CFAP46: variants seen among roughly 807,000 people sequenced by gnomAD.
The protein encoded by CFAP46 is cilia and flagella associated protein 46.
A neutral mutation model predicts 325.7 loss-of-function variants in CFAP46; 245 were observed. The observed-to-expected ratio is 0.75, with a 90% CI of 0.68 to 0.84. The LOEUF (loss-of-function observed/expected upper bound fraction) is 0.84, where lower values mean the gene tolerates loss of function less well. CFAP46 is among the 40% of genes least tolerant of loss of function. The probability of loss-of-function intolerance (pLI) is 0.00; values close to 1 mark genes in which losing one functional copy is unlikely to be tolerated. For synonymous variants in CFAP46, 1,523 were observed against 1,495.9 expected, an observed-to-expected ratio of 1.02 and a Z score of -0.42; for missense variants, 3,346 against 3,543.0, an observed-to-expected ratio of 0.94 and a Z score of 1.41.
chr10:132,872,785 G>C lies in CFAP46; in HGVS notation c.4402C>G (p.Leu1468Val). The C allele has an allele frequency of 6.4e-7, 1 of 1,551,106 alleles. No homozygotes were observed. Among genetic ancestry groups the C allele is most frequent in the Non-Finnish European group, 8.7e-7 (1 of 1,147,106 alleles). Residue 1468 changes from leucine (L) to valine (V), a missense_variant, in exon 32 of 58, where the codon CTG (leucine) becomes GTG (valine). Physicochemically the swap from Leu to Val is conservative, Grantham distance 32. Coordinates refer to ENST00000368586, the MANE Select transcript of CFAP46 (RefSeq NM_001200049.3). ...AGTTCGTGCAGGCACATCTTCTGCA[G>C]GGCCTTGACCAGGTGGTCCAGGAAA... Reference protein sequence around the residue: ...LYFLDHLVKALQKMCLHELTV... With the variant: ...LYFLDHLVKAVQKMCLHELTV...
chr10:132,887,461 CCT>C (rs1272665080), intron 25 of CFAP46, among the ~76,000 whole-genome samples: 1 of 114,962 alleles, frequency 8.7e-6, no homozygotes, highest in Non-Finnish European at 1.8e-5. Flanking sequence ...TCTCCTCTCC[CCT>C]CTTCTCTCTC....
intron 39 of CFAP46, among the ~76,000 whole-genome samples, chr10:132,856,271 A>G (rs781555937): frequency 2.6e-5 from 4 of 152,166 alleles, no homozygotes; most frequent in Non-Finnish European, 5.9e-5. Context: ...CTGGTGTTAA[A>G]GTGTTTGGTT....
rs891551351 is a variant in CFAP46, at chr10:132,810,343, G to A, written c.7664+66C>T. On this transcript the variant is annotated intron_variant, in intron 57 of 57. Transcript: ENST00000368586. ...GTCCCTGCAGGGCTGTGCAGTGCAC[G>A]TGCCCCATGGGCAGTGGCTGCAGAG... 43 of 1,355,870 alleles carry A rather than the reference G, an allele frequency of 3.2e-5. No individual in the cohort carries two copies. The South Asian group carries it at 4.3e-4, about 14-fold the overall frequency. 84.0% of individuals were successfully genotyped at this position (1,355,870 alleles called of 1,614,324 possible).
chr10:132,821,244 G>GA (rs1284021942), intron 50 of CFAP46, among the ~76,000 whole-genome samples: 1 of 84,196 alleles, frequency 1.2e-5, no homozygotes, highest in Non-Finnish European at 2.8e-5. Context: ...TGTGTGCTGT[G>GA]TGTGTGCTGT....
rs1850111929 is a variant in CFAP46 at position 132,942,033 on chromosome 10, A to AG, written c.120dup (p.Ser41LeufsTer66). 1 of 1,551,734 alleles carries AG rather than the reference A, an allele frequency of 6.4e-7. No individual in the cohort carries two copies. ...AACAGGTCTGGGCTGAAGCTCTCTG[A>AG]GGGGTCAAACTCCGATTTCCCTAGG... On this transcript the variant is annotated frameshift_variant, in exon 2 of 58. Transcript: ENST00000368586. LOFTEE classifies it high-confidence loss of function.
At position 132,926,654 on chromosome 10, in the gene CFAP46, G is replaced by T; in HGVS notation, c.979C>A (p.Leu327Ile). The T allele has an allele frequency of 6.5e-7, 1 of 1,535,966 alleles. No homozygotes were observed. Among genetic ancestry groups the T allele is most frequent in the Non-Finnish European group, 8.7e-7 (1 of 1,146,650 alleles). Reference sequence around the variant, plus strand: ...CACTCCAGACATTCCATTTCAATAAGCTTCCCAGGATCCTGCAGATATAAA... The same window carrying T: ...CACTCCAGACATTCCATTTCAATAATCTTCCCAGGATCCTGCAGATATAAA... Reference protein sequence around the residue: ...KKMESKDPGKLIEMECLECES... With the variant: ...KKMESKDPGKIIEMECLECES... Residue 327 changes from leucine to isoleucine, a missense_variant, in exon 10 of 58, where the codon CTT (leucine) becomes ATT (isoleucine). Transcript: ENST00000368586.
At chr10:132,823,991 G>A (rs1211487565) in intron 50 of CFAP46, among the ~76,000 whole-genome samples, 2 of 88,352 alleles carry the variant, frequency 2.3e-5, no homozygotes, top group Admixed American at 1.2e-4. Flanking sequence ...TGTGTGTGCT[G>A]CTTGTTTGTG....
intron 12 of CFAP46, 32 bp downstream of exon 12, chr10:132,922,448 A>G (rs1849738936): frequency 6.6e-6 from 10 of 1,512,856 alleles, no homozygotes; most frequent in Non-Finnish European, 8.0e-6. Flanking sequence ...GGGCTGCAGC[A>G]CCCAGCCTCC....
At chr10:132,816,882 C>T (rs1368485560) in intron 50 of CFAP46, among the ~76,000 whole-genome samples, 2 of 152,216 alleles carry the variant, frequency 1.3e-5, no homozygotes, top group African/African-American at 4.8e-5. Flanking sequence ...CCTCATCACG[C>T]TGTGGCCTCA....
rs115755762 is a variant in CFAP46 at position 132,838,641 on chromosome 10, G to A, written c.6439-1727C>T. 6.0e-3 allele frequency among the ~76,000 whole-genome samples: 919 copies of A among 152,378 alleles called. 13 individuals are homozygous for A. The highest frequency in any genetic ancestry group is 0.02 in the African/African-American group (830 of 41,600). On this transcript the variant is annotated intron_variant, in intron 44 of 57. Coordinates refer to ENST00000368586, the MANE Select transcript of CFAP46 (RefSeq NM_001200049.3). The stretch of plus-strand genomic sequence containing the variant: ...TGGGAATGCCACAGCGTCTTCATCC[G>A]TTCTGTGGCCAAGGGCATCTGGGTG...
intron 27 of CFAP46, 39 bp downstream of exon 27, chr10:132,885,064 C>A: frequency 6.6e-7 from 1 of 1,518,640 alleles, no homozygotes; most frequent in Non-Finnish European, 8.9e-7. Flanking sequence ...CACTAAAGGA[C>A]AAATTTTACC....
rs1030534644 is a variant in CFAP46 at position 132,885,435 on chromosome 10, C to T, written c.3444-149G>A. Reference sequence around the variant, plus strand: ...GGTGAGCGGGGGTCTCGGGGCTACGCGGGGGTCTCGGGGGTGAGCGGGGGC... The same window carrying T: ...GGTGAGCGGGGGTCTCGGGGCTACGTGGGGGTCTCGGGGGTGAGCGGGGGC... On this transcript the variant is annotated intron_variant, in intron 26 of 57. Coordinates refer to ENST00000368586, the MANE Select transcript of CFAP46 (RefSeq NM_001200049.3). 75 of 456,082 alleles carry T rather than the reference C, an allele frequency of 1.6e-4. 2 individuals carry two copies. The East Asian group carries it at 2.2e-3, about 13-fold the overall frequency. 28.3% of individuals were successfully genotyped at this position (456,082 alleles called of 1,614,324 possible). A position where few individuals can be genotyped will look rare whatever the true frequency, so the allele number is the denominator to read the frequency against.
intron 34 of CFAP46, among the ~76,000 whole-genome samples, 157 bp downstream of exon 34, chr10:132,867,218 G>A (rs1312257226): frequency 6.8e-6 from 1 of 147,388 alleles, no homozygotes; most frequent in African/African-American, 2.5e-5. Flanking sequence ...CACACACACA[G>A]GCCGGCCCCT....
chr10:132,849,192 C>G (rs1848493373), intron 41 of CFAP46, among the ~76,000 whole-genome samples: 1 of 152,208 alleles, frequency 6.6e-6, no homozygotes. Context: ...GGACGCAGCT[C>G]ACAGGAGGCC....
chr10:132,863,113 G>T (rs1389703452), intron 35 of CFAP46, among the ~76,000 whole-genome samples: 2 of 152,120 alleles, frequency 1.3e-5, no homozygotes, highest in Non-Finnish European at 2.9e-5. Flanking sequence ...CTGGGTCTGG[G>T]CTCCAAGGTC....
At chr10:132,837,699 G>GCA (rs200206713) in intron 44 of CFAP46, among the ~76,000 whole-genome samples, 1 of 121,196 alleles carries the variant, frequency 8.3e-6, no homozygotes, top group Admixed American at 8.3e-5. Flanking sequence ...GTACACAGAT[G>GCA]CACACACACA....
At chr10:132,871,159 C>T (rs1848891797) in intron 32 of CFAP46, among the ~76,000 whole-genome samples, 1 of 152,194 alleles carries the variant, frequency 6.6e-6, no homozygotes, top group Non-Finnish European at 1.5e-5. Context: ...ATATTTAAAG[C>T]CCACTGTTGA....
chr10:132,924,012 G>A (rs190499822), intron 11 of CFAP46, among the ~76,000 whole-genome samples: 54 of 152,242 alleles, frequency 3.5e-4, no homozygotes, highest in Non-Finnish European at 7.2e-4. Context: ...GGGCTGAGCC[G>A]GCGGACTCAG....
rs137890417 is a variant in CFAP46, at chr10:132,892,492, C to G, written c.3220-75G>C. The G allele has an allele frequency of 1.2e-3, 1,564 of 1,335,706 alleles. 17 individuals carry two copies. The African/African-American group carries it at 0.02, about 17-fold the overall frequency. The allele number at this position is 1,335,706 out of a possible 1,614,324, so 82.7% of individuals were successfully genotyped here. On this transcript the variant is annotated intron_variant, in intron 24 of 57. Transcript: ENST00000368586. ...TCTTTCACCATGAGATAAGAAACTCCCCCTCTGAGCTCTGTGTTCCTCTCC... is the reference window on the plus strand; with the variant it reads ...TCTTTCACCATGAGATAAGAAACTCGCCCTCTGAGCTCTGTGTTCCTCTCC...
Sources: gnomAD v4.1 joint callset for allele counts (sites outside exome capture counted in the v4.1 genomes callset) on GRCh38, gnomAD v4.1.1 for gene constraint, MANE v1.5 for transcripts, NCBI Gene and HGNC (gene_info 2026-07-23, HGNC 2026-07-21) for gene names.